Variants in EYS observed in about 807,000 individuals in gnomAD.
EYS encodes EGF-like photoreceptor maintenance factor.
EYS carries 250 observed loss-of-function variants against 282.1 expected under a neutral mutation model. The observed-to-expected ratio is 0.89, with a 90% CI of 0.80 to 0.98. The LOEUF is 0.98. Among genes scored for constraint, EYS ranks in the 50% least tolerant of loss-of-function variants. The probability of loss-of-function intolerance (pLI) is 0.00; values close to 1 mark genes in which losing one functional copy is unlikely to be tolerated. For synonymous variants in EYS, 1,355 were observed against 1,282.9 expected, an observed-to-expected ratio of 1.06 and a Z score of -1.20; for missense variants, 4,016 against 3,709.0, an observed-to-expected ratio of 1.08 and a Z score of -2.15.
chr6:65,131,823 GTAGACTAA>G (rs892787759), intron 12 of EYS, among the ~76,000 whole-genome samples: 11 of 151,656 alleles, frequency 7.3e-5, no homozygotes, highest in African/African-American at 2.7e-4. Flanking sequence ...TAGGCTGCTG[GTAGACTAA>G]TAAAGAAGAA....
intron 22 of EYS, among the ~76,000 whole-genome samples, chr6:64,800,110 C>T (rs80012395): frequency 0.021 from 3,180 of 151,982 alleles, 111 homozygotes; most frequent in African/African-American, 0.072. Flanking sequence ...CAAAATCATG[C>T]TTTTAAAATT....
chr6:64,893,153 C>T (rs1202096056), intron 18 of EYS, among the ~76,000 whole-genome samples: 1 of 152,048 alleles, frequency 6.6e-6, no homozygotes, highest in Non-Finnish European at 1.5e-5. Flanking sequence ...ACATTAGTTG[C>T]ATGGGATAAC....
chr6:65,246,395 G>A (rs1293014927), intron 12 of EYS, among the ~76,000 whole-genome samples: 1 of 152,122 alleles, frequency 6.6e-6, no homozygotes, highest in Admixed American at 6.5e-5. Flanking sequence ...CACAAGGAAA[G>A]GCTGTTAATT....
At chr6:65,663,258 G>T (rs1221427131) in intron 1 of EYS, among the ~76,000 whole-genome samples, 1 of 152,148 alleles carries the variant, frequency 6.6e-6, no homozygotes, top group Non-Finnish European at 1.5e-5. Flanking sequence ...AACAGGAAGA[G>T]AGTTCGATAT....
At position 63,906,805 on chromosome 6, in the gene EYS, A is replaced by G. The variant is rs538517547; in HGVS notation, c.7056-42447T>C. ...GGAGTGAAAACTGTTTCTTGCTTTTATACATATATATAAAAACACAGATAT... is the reference window on the plus strand; with the variant it reads ...GGAGTGAAAACTGTTTCTTGCTTTTGTACATATATATAAAAACACAGATAT... On this transcript the variant is annotated intron_variant, in intron 35 of 42. Transcript: ENST00000503581. 4.1e-3 allele frequency among the ~76,000 whole-genome samples: 622 copies of G among 152,220 alleles called. 3 individuals are homozygous for G. The highest frequency in any genetic ancestry group is 0.014 in the African/African-American group (595 of 41,542).
intron 12 of EYS, among the ~76,000 whole-genome samples, chr6:65,147,825 T>A (rs1581955385): frequency 6.6e-6 from 1 of 152,016 alleles, no homozygotes; most frequent in Admixed American, 6.6e-5. Flanking sequence ...GCCTCAGGAA[T>A]CTTACAAGCA....
chr6:64,062,931 C>T (rs1160354123), intron 33 of EYS, among the ~76,000 whole-genome samples: 2 of 152,112 alleles, frequency 1.3e-5, no homozygotes, highest in Non-Finnish European at 2.9e-5. Flanking sequence ...GCTTCTTCCT[C>T]TATCCTGCTA....
intron 31 of EYS, among the ~76,000 whole-genome samples, chr6:64,203,970 G>C (rs1225670543): frequency 1.3e-5 from 2 of 152,014 alleles, no homozygotes; most frequent in Non-Finnish European, 2.9e-5. Flanking sequence ...AAATACATTA[G>C]TATCCAATAT....
chr6:65,657,064 T>G (rs1767855138), intron 1 of EYS, among the ~76,000 whole-genome samples: 3 of 151,864 alleles, frequency 2.0e-5, no homozygotes, highest in Admixed American at 2.0e-4. Flanking sequence ...TGATAGCACA[T>G]CTGTTTACAG....
intron 31 of EYS, among the ~76,000 whole-genome samples, chr6:64,136,045 TGC>T (rs773349351): frequency 5.1e-4 from 77 of 152,180 alleles, no homozygotes; most frequent in Middle Eastern, 6.8e-3. Context: ...TCTCAAACCT[TGC>T]CACTGCTTTA....
intron 1 of EYS, among the ~76,000 whole-genome samples, chr6:65,654,872 A>G (rs886697583): frequency 8.6e-5 from 13 of 151,198 alleles, no homozygotes; most frequent in Non-Finnish European, 1.8e-4. Context: ...AACTATGGTA[A>G]TTTGTTTTTA....
intron 22 of EYS, among the ~76,000 whole-genome samples, chr6:64,696,572 T>C (rs1056157229): frequency 1.3e-5 from 2 of 152,080 alleles, no homozygotes; most frequent in Admixed American, 1.3e-4. Context: ...CTAAAGTCAA[T>C]ATGTTGGAAA....
chr6:63,945,882 T>TCTCTAATGGC (rs1765381020), intron 35 of EYS, among the ~76,000 whole-genome samples: 1 of 152,202 alleles, frequency 6.6e-6, no homozygotes, highest in Non-Finnish European at 1.5e-5. Context: ...TCATATCAGA[T>TCTCTAATGGC]CACTCTCTAA....
At chr6:65,241,854 T>C (rs1408239479) in intron 12 of EYS, among the ~76,000 whole-genome samples, 1 of 152,082 alleles carries the variant, frequency 6.6e-6, no homozygotes, top group East Asian at 1.9e-4. Context: ...CTCCTTCTGC[T>C]TCCCTAACAC....
chr6:65,474,348 T>C (rs1765325816), intron 5 of EYS, among the ~76,000 whole-genome samples: 2 of 152,108 alleles, frequency 1.3e-5, no homozygotes, highest in Admixed American at 1.3e-4. Flanking sequence ...TGTGGTAGAC[T>C]ATCAAAAATA....
At chr6:64,149,158 G>A (rs889378182) in intron 31 of EYS, among the ~76,000 whole-genome samples, 7 of 152,098 alleles carry the variant, frequency 4.6e-5, no homozygotes, top group African/African-American at 1.7e-4. Context: ...ATCATAACTG[G>A]TGAAATCATC....
intron 29 of EYS, among the ~76,000 whole-genome samples, chr6:64,363,131 C>T (rs1275098018): frequency 2.0e-5 from 3 of 151,642 alleles, no homozygotes; most frequent in Non-Finnish European, 4.4e-5. Flanking sequence ...ACTTTCTTTT[C>T]TTCAATTCTT....
intron 15 of EYS, among the ~76,000 whole-genome samples, chr6:64,921,708 G>T (rs958580526): frequency 8.5e-5 from 13 of 152,184 alleles, no homozygotes; most frequent in Non-Finnish European, 2.9e-5. Context: ...AGTCACCAGT[G>T]CCTGTGTCTC....
intron 12 of EYS, among the ~76,000 whole-genome samples, chr6:65,087,042 C>T (rs1774402217): frequency 6.6e-6 from 1 of 152,018 alleles, no homozygotes; most frequent in Non-Finnish European, 1.5e-5. Flanking sequence ...AGAACAGTCT[C>T]AATCTCTTGA....
Sources: allele counts gnomAD v4.1 joint callset (sites outside exome capture counted in the v4.1 genomes callset), GRCh38; gene constraint gnomAD v4.1.1; transcripts MANE v1.5; gene names NCBI Gene and HGNC (gene_info 2026-07-23, HGNC 2026-07-21).